Variants in LOC128462377 observed in about 807,000 individuals in gnomAD.
chr16:89,318,250 C>T, the LOC128462377 span, among the ~76,000 whole-genome samples: 1 of 152,216 alleles, frequency 6.6e-6, no homozygotes, highest in Non-Finnish European at 1.5e-5. Context: ...CATGGGCCTC[C>T]TCCCTGCCTG....
chr16:89,323,223 G>GA, the LOC128462377 span: 193 of 1,090,896 alleles, frequency 1.8e-4, no homozygotes, highest in Non-Finnish European at 2.5e-5. Flanking sequence ...CTGAGCGGAG[G>GA]AAAAAAGAAA....
At chr16:89,347,350 C>T in the LOC128462377 span, among the ~76,000 whole-genome samples, 2 of 152,318 alleles carry the variant, frequency 1.3e-5, no homozygotes, top group African/African-American at 2.4e-5. Flanking sequence ...TGGCTCATGC[C>T]TGTAATCCCA....
chr16:89,366,544 C>G, the LOC128462377 span, among the ~76,000 whole-genome samples: 3 of 152,176 alleles, frequency 2.0e-5, no homozygotes, highest in African/African-American at 7.2e-5. Flanking sequence ...GATGGTGTCT[C>G]GCTGTGAGAA....
chr16:89,360,777 G>A, the LOC128462377 span: 14 of 152,204 alleles, frequency 9.2e-5, no homozygotes, highest in African/African-American at 2.9e-4. Flanking sequence ...AAAAGATTTC[G>A]ATTCACTAAA....
At chr16:89,379,291 C>G in the LOC128462377 span, among the ~76,000 whole-genome samples, 1 of 152,214 alleles carries the variant, frequency 6.6e-6, no homozygotes, top group African/African-American at 2.4e-5. Context: ...TCACAAAGAC[C>G]TTGTGCCAGT....
chr16:89,343,091 G>C, the LOC128462377 span, among the ~76,000 whole-genome samples: 1 of 152,150 alleles, frequency 6.6e-6, no homozygotes, highest in African/African-American at 2.4e-5. Flanking sequence ...TGCGATCTCG[G>C]CTCACTGCAG....
the LOC128462377 span, among the ~76,000 whole-genome samples, chr16:89,389,843 C>T: frequency 6.3e-5 from 8 of 126,918 alleles, no homozygotes; most frequent in African/African-American, 2.5e-4. Flanking sequence ...CCGAGTGTGG[C>T]GGGGAGCACC....
the LOC128462377 span, among the ~76,000 whole-genome samples, chr16:89,325,443 C>CCCTCT: frequency 1.9e-3 from 245 of 129,188 alleles, no homozygotes; most frequent in African/African-American, 7.4e-3. Flanking sequence ...CTCCCCTCTC[C>CCCTCT]CCTCTCCTCT....
the LOC128462377 span, among the ~76,000 whole-genome samples, chr16:89,356,563 A>G: frequency 4.6e-5 from 7 of 151,298 alleles, no homozygotes; most frequent in African/African-American, 1.5e-4. Flanking sequence ...CGAGGTCAGG[A>G]GATCGAGACC....
chr16:89,368,572 C>T, the LOC128462377 span, among the ~76,000 whole-genome samples: 4 of 147,914 alleles, frequency 2.7e-5, no homozygotes, highest in African/African-American at 1.0e-4. Flanking sequence ...ATTTCTTGCT[C>T]TAAGGGAAAA....
chr16:89,375,968 C>T, the LOC128462377 span, among the ~76,000 whole-genome samples: 3 of 152,154 alleles, frequency 2.0e-5, no homozygotes, highest in African/African-American at 4.8e-5. Context: ...GCAGCCTGTG[C>T]TCTGCTGTGG....
the LOC128462377 span, among the ~76,000 whole-genome samples, chr16:89,331,106 A>G: frequency 2.0e-5 from 3 of 152,088 alleles, no homozygotes; most frequent in Non-Finnish European, 4.4e-5. Context: ...GGTGCCTGCC[A>G]CCATGCCCGG....
At chr16:89,351,852 C>T in the LOC128462377 span, among the ~76,000 whole-genome samples, 6 of 152,170 alleles carry the variant, frequency 3.9e-5, no homozygotes, top group South Asian at 8.3e-4. Flanking sequence ...ACACTAACAA[C>T]CTTTGAACTG....
At chr16:89,369,455 C>T in the LOC128462377 span, among the ~76,000 whole-genome samples, 4 of 152,208 alleles carry the variant, frequency 2.6e-5, no homozygotes, top group African/African-American at 9.6e-5. Flanking sequence ...CCAAGCTCTG[C>T]CGCAGCATGG....
At chr16:89,409,142 C>G in the LOC128462377 span, among the ~76,000 whole-genome samples, 1 of 152,146 alleles carries the variant, frequency 6.6e-6, no homozygotes. Context: ...CCTCAAAGAG[C>G]AGAAAACAGA....
the LOC128462377 span, among the ~76,000 whole-genome samples, chr16:89,374,467 A>C: frequency 1.3e-5 from 2 of 152,234 alleles, no homozygotes; most frequent in Non-Finnish European, 2.9e-5. Flanking sequence ...AAATACCACT[A>C]ATCGGCCCAG....
At chr16:89,320,919 G>C in the LOC128462377 span, among the ~76,000 whole-genome samples, 3 of 152,240 alleles carry the variant, frequency 2.0e-5, no homozygotes, top group Non-Finnish European at 4.4e-5. Context: ...CTACGGGGCT[G>C]GCAGGACAGA....
At chr16:89,337,582 G>A in the LOC128462377 span, among the ~76,000 whole-genome samples, 61 of 151,644 alleles carry the variant, frequency 4.0e-4, 1 homozygote, top group South Asian at 4.0e-3. Context: ...GACTACAGGC[G>A]CCTGCCACCA....
the LOC128462377 span, among the ~76,000 whole-genome samples, chr16:89,347,083 C>T: frequency 6.6e-6 from 1 of 151,916 alleles, no homozygotes; most frequent in Non-Finnish European, 1.5e-5. Context: ...GGTGACTGAG[C>T]ACATGGGCTG....
Sources: allele counts gnomAD v4.1 joint callset (sites outside exome capture counted in the v4.1 genomes callset), GRCh38; gene constraint gnomAD v4.1.1; transcripts MANE v1.5.